Variants in NAALADL2 observed in about 807,000 individuals in gnomAD.
The protein encoded by NAALADL2 is N-acetylated alpha-linked acidic dipeptidase like 2, also known as inactive N-acetylated-alpha-linked acidic dipeptidase-like protein 2.
In NAALADL2, 76 loss-of-function variants were observed where a neutral mutation model predicts 87.2. The ratio of observed to expected loss-of-function variants is 0.87; its 90% CI spans 0.72 to 1.05. NAALADL2 has a LOEUF of 1.05. NAALADL2 is among the 50% of genes least tolerant of loss of function. NAALADL2 has a pLI of 0.00. For synonymous variants in NAALADL2, 354 were observed against 331.0 expected (o/e 1.07, Z -0.75); for missense variants, 1,089 against 945.8 (o/e 1.15, Z -1.99).
chr3:174,680,181 T>C (rs1360265225), intron 2 of NAALADL2, among the ~76,000 whole-genome samples: 1 of 152,258 alleles, frequency 6.6e-6, no homozygotes, highest in African/African-American at 2.4e-5. Flanking sequence ...GTTTTGTTTC[T>C]TCTCAGTAGA....
At chr3:175,416,171 G>T (rs1175794949) in intron 5 of NAALADL2, among the ~76,000 whole-genome samples, 1 of 151,848 alleles carries the variant, frequency 6.6e-6, no homozygotes. Context: ...ATATTTCACA[G>T]AAACACATCA....
At chr3:175,205,317 T>G (rs538493478) in intron 2 of NAALADL2, among the ~76,000 whole-genome samples, 1 of 152,262 alleles carries the variant, frequency 6.6e-6, no homozygotes, top group South Asian at 2.1e-4. Context: ...CAGCTGATCT[T>G]TGATGAAGCA....
chr3:175,517,829 C>T (rs760765216), intron 9 of NAALADL2, among the ~76,000 whole-genome samples: 2 of 152,024 alleles, frequency 1.3e-5, no homozygotes, highest in Admixed American at 6.6e-5. Context: ...CGGAGTACAC[C>T]GGATTTTATA....
At chr3:175,730,056 C>T (rs1486233103) in intron 11 of NAALADL2, among the ~76,000 whole-genome samples, 3 of 151,704 alleles carry the variant, frequency 2.0e-5, no homozygotes, top group Non-Finnish European at 4.4e-5. Context: ...CATTATAGAC[C>T]CAGGGCAATG....
At chr3:175,667,434 TTTGA>T (rs1181842274) in intron 11 of NAALADL2, among the ~76,000 whole-genome samples, 14 of 152,072 alleles carry the variant, frequency 9.2e-5, no homozygotes, top group African/African-American at 3.4e-4. Context: ...TATTGAAAAC[TTTGA>T]TTGTCTTTCT....
At chr3:175,206,262 AT>A (rs372246885) in intron 2 of NAALADL2, among the ~76,000 whole-genome samples, 3,342 of 103,070 alleles carry the variant, frequency 0.032, 142 homozygotes, top group South Asian at 0.06. Flanking sequence ...ATATATATAT[AT>A]TTTTTTTTTT....
At chr3:175,365,665 G>C (rs1284873379) in intron 5 of NAALADL2, among the ~76,000 whole-genome samples, 1 of 146,922 alleles carries the variant, frequency 6.8e-6, no homozygotes, top group African/African-American at 2.5e-5. Flanking sequence ...GTGTACTTTT[G>C]AGTGTGATGA....
At chr3:175,754,945 G>A (rs188074408) in intron 12 of NAALADL2, among the ~76,000 whole-genome samples, 1 of 152,172 alleles carries the variant, frequency 6.6e-6, no homozygotes, top group Non-Finnish European at 1.5e-5. Context: ...ATAAAAACAA[G>A]TTGAGACAGA....
chr3:175,353,937 T>G (rs922728962), intron 5 of NAALADL2, among the ~76,000 whole-genome samples: 1 of 152,160 alleles, frequency 6.6e-6, no homozygotes, highest in Non-Finnish European at 1.5e-5. Context: ...GCTGGAAGAT[T>G]GACATCATAT....
chr3:175,386,595 G>A (rs1475890831), intron 5 of NAALADL2, among the ~76,000 whole-genome samples: 1 of 151,068 alleles, frequency 6.6e-6, no homozygotes. Context: ...CCCCAGTATT[G>A]CTTTCTGCAA....
chr3:174,905,407 C>T (rs1732846185), intron 1 of NAALADL2, among the ~76,000 whole-genome samples: 2 of 150,470 alleles, frequency 1.3e-5, no homozygotes, highest in Non-Finnish European at 3.0e-5. Flanking sequence ...TAAAGTTGAT[C>T]ATAAGTTTCA....
intron 9 of NAALADL2, among the ~76,000 whole-genome samples, chr3:175,507,751 CT>C (rs1361562320): frequency 1.3e-5 from 2 of 152,060 alleles, no homozygotes; most frequent in Non-Finnish European, 2.9e-5. Context: ...CTTTATTTTC[CT>C]ACTTCAACCA....
intron 2 of NAALADL2, among the ~76,000 whole-genome samples, chr3:175,111,694 G>T (rs1374513916): frequency 6.6e-6 from 1 of 151,632 alleles, no homozygotes; most frequent in African/African-American, 2.4e-5. Flanking sequence ...TCACTTCCTA[G>T]GATGTTTAGA....
At chr3:175,257,643 A>C (rs1750230000) in intron 4 of NAALADL2, among the ~76,000 whole-genome samples, 1 of 152,188 alleles carries the variant, frequency 6.6e-6, no homozygotes, top group African/African-American at 2.4e-5. Context: ...ATGTGACAAA[A>C]TATTAGAAAT....
intron 5 of NAALADL2, among the ~76,000 whole-genome samples, chr3:175,368,706 T>TA (rs2148937741): frequency 6.6e-6 from 1 of 152,140 alleles, no homozygotes; most frequent in African/African-American, 2.4e-5. Flanking sequence ...GAGAACATCA[T>TA]AGAGTGCACA....
chr3:174,943,266 G>A (rs895226901), intron 1 of NAALADL2, among the ~76,000 whole-genome samples: 1 of 152,164 alleles, frequency 6.6e-6, no homozygotes. Context: ...ATTTGAAGCT[G>A]CTTTCTTGTC....
chr3:175,643,348 C>T lies in NAALADL2; in HGVS notation c.1896+15962C>T, dbSNP rs995308115. Among the ~76,000 whole-genome samples the T allele has an allele frequency of 6.6e-5, 10 of 152,226 alleles. No individual in the cohort carries two copies. The East Asian group carries it at 1.9e-3, about 29-fold the overall frequency. On this transcript the variant is annotated intron_variant, in intron 11 of 13. Transcript: ENST00000454872. ...ACATGTCCCTGGTACAAAAGTTTCT[C>T]TAGGATATATATGCTGGAATGCAAT...
chr3:174,848,778 G>A (rs1724915935), intron 3 of NAALADL2, among the ~76,000 whole-genome samples: 1 of 152,108 alleles, frequency 6.6e-6, no homozygotes, highest in Non-Finnish European at 1.5e-5. Flanking sequence ...GATTTTTGTT[G>A]TTGCGTGAAC....
chr3:174,528,783 C>G (rs1720987562), intron 1 of NAALADL2, among the ~76,000 whole-genome samples: 1 of 152,110 alleles, frequency 6.6e-6, no homozygotes, highest in Admixed American at 6.6e-5. Context: ...AGAGAAACTC[C>G]CATTTTTAAA....
Sources: gnomAD v4.1 joint callset for allele counts (sites outside exome capture counted in the v4.1 genomes callset) on GRCh38, gnomAD v4.1.1 for gene constraint, MANE v1.5 for transcripts, NCBI Gene and HGNC (gene_info 2026-07-23, HGNC 2026-07-21) for gene names.